The following BICD2 variants were observed in gnomAD, a reference collection of about 807,000 sequenced individuals.
BICD2 encodes the protein BICD cargo adaptor 2, also known as protein bicaudal D homolog 2.
A neutral mutation model predicts 72.9 loss-of-function variants in BICD2; 25 were observed. That is an observed-to-expected ratio of 0.34 (90% confidence interval 0.25 to 0.48). BICD2 has a LOEUF of 0.48. Among genes scored for constraint, BICD2 ranks in the 20% least tolerant of loss-of-function variants. The pLI is 0.99. For missense variants in BICD2, 894 were observed against 1,175.2 expected (o/e 0.76, Z 3.50); for synonymous variants, 501 against 516.1 (o/e 0.97, Z 0.40).
intron 1 of BICD2, among the ~76,000 whole-genome samples, chr9:92,742,907 T>C (rs923339073): frequency 2.6e-5 from 4 of 152,234 alleles, no homozygotes; most frequent in African/African-American, 9.6e-5. Flanking sequence ...CCTTTCATGG[T>C]CAAATAATAT....
chr9:92,723,315 C>T (rs1481851909), intron 2 of BICD2, among the ~76,000 whole-genome samples: 1 of 152,172 alleles, frequency 6.6e-6, no homozygotes, highest in East Asian at 1.9e-4. Context: ...AGCCCAAGTG[C>T]CCATTGACTG....
At chr9:92,734,913 A>C (rs1853750315) in intron 1 of BICD2, among the ~76,000 whole-genome samples, 1 of 152,166 alleles carries the variant, frequency 6.6e-6, no homozygotes, top group African/African-American at 2.4e-5. Flanking sequence ...CTGGGGAACA[A>C]AAGGGACACA....
In BICD2 at chr9:92,718,887, TAGG is replaced by T. The variant is rs1564059881; in HGVS notation, c.1755_1757del (p.Leu586del). 6.2e-7 allele frequency: 1 copy of T among 1,601,278 alleles called. No individual in the cohort carries two copies. ...CCTCAGGAGCCAGCAGCCCCTTGGG[TAGG>T]AGGATGGGTGAGCGCCGGCCACGCG... On this transcript the variant is annotated inframe_deletion, in exon 5 of 7. Coordinates refer to ENST00000356884, the MANE Select transcript of BICD2 (RefSeq NM_001003800.2).
Position 92,720,269 on chromosome 9 carries a change from C to T in BICD2, c.1062+31G>A, listed in dbSNP as rs775310481. 3.2e-6 allele frequency: 5 copies of T among 1,578,776 alleles called. No individual in the cohort carries two copies. Among genetic ancestry groups the T allele is most frequent in the South Asian group, 2.4e-5 (2 of 84,898 alleles). ...GAGCCCTGCAGACCTGGAGTGGGGA[C>T]AGCGTGCCGAAGGCCCCACTGCCTG... On this transcript the variant is annotated intron_variant, in intron 4 of 6. Coordinates refer to ENST00000356884, the MANE Select transcript of BICD2 (RefSeq NM_001003800.2). This position sits in a 1 kb window ranked among gnomAD's most constrained non-coding sequence, Gnocchi z 5.4.
In BICD2 at chr9:92,718,460, G is replaced by C. The variant is rs192630999; in HGVS notation, c.2106+79C>G. The C allele has an allele frequency of 9.9e-6, 15 of 1,511,756 alleles. No individual in the cohort carries two copies. In the Admixed American group the frequency reaches 1.6e-4, roughly 16 times the overall value. The allele number at this position is 1,511,756 out of a possible 1,614,324, so 93.6% of individuals were successfully genotyped here. A position where few individuals can be genotyped will look rare whatever the true frequency, so the allele number is the denominator to read the frequency against. On this transcript the variant is annotated intron_variant, in intron 5 of 6. Coordinates refer to ENST00000356884, the MANE Select transcript of BICD2 (RefSeq NM_001003800.2). Reference sequence around the variant, plus strand: ...GCAGGCCTGGGGGGGCCCCGTGGCAGGGGGAGGAAGGAGGCCAAGGGGGAA... The same window carrying C: ...GCAGGCCTGGGGGGGCCCCGTGGCACGGGGAGGAAGGAGGCCAAGGGGGAA...
At chr9:92,742,641 C>T (rs925283998) in intron 1 of BICD2, among the ~76,000 whole-genome samples, 3 of 152,146 alleles carry the variant, frequency 2.0e-5, no homozygotes, top group Non-Finnish European at 4.4e-5. Context: ...CCTCGACCTC[C>T]CAAAGTGCTG....
Position 92,722,763 on chromosome 9 carries a change from T to A in BICD2, c.499A>T (p.Ile167Phe). 5.6e-6 allele frequency: 9 copies of A among 1,614,204 alleles called. No individual in the cohort carries two copies. The highest frequency in any genetic ancestry group is 7.6e-6 in the Non-Finnish European group (9 of 1,180,034). Residue 167 changes from isoleucine (I) to phenylalanine (F), a missense_variant, in exon 3 of 7, where the codon ATC becomes TTC. By Grantham distance (21) the Ile-to-Phe change is conservative. This residue lies in a region of BICD2 where 192 missense variants were observed against 243.6 expected (regional missense o/e 0.79). Transcript: ENST00000356884. The part of the protein sequence containing the change: ...EIQRGRLRDD[I>F]KEYKFREARL... ...GCTTCCCGGAATTTGTACTCCTTGATGTCATCCCGCAGGCGGCCACGCTGG... is the reference window on the plus strand; with the variant it reads ...GCTTCCCGGAATTTGTACTCCTTGAAGTCATCCCGCAGGCGGCCACGCTGG...
At chr9:92,751,064 C>T (rs1420974617) in intron 1 of BICD2, among the ~76,000 whole-genome samples, 1 of 152,054 alleles carries the variant, frequency 6.6e-6, no homozygotes, top group Non-Finnish European at 1.5e-5. Context: ...GCACACACCA[C>T]CAAGCCTGGC....
chr9:92,727,608 G>A (rs1210269146), intron 2 of BICD2, among the ~76,000 whole-genome samples: 4 of 152,214 alleles, frequency 2.6e-5, no homozygotes, highest in Admixed American at 1.3e-4. Flanking sequence ...TGCAGCTCAC[G>A]TGCCAACTTC....
rs1854143942 is a variant in BICD2 at position 92,751,236 on chromosome 9, G to T, written c.240+13269C>A. 2.6e-5 allele frequency among the ~76,000 whole-genome samples: 4 copies of T among 151,446 alleles called. No homozygotes were observed. The South Asian group carries it at 6.3e-4, about 24-fold the overall frequency. On this transcript the variant is annotated intron_variant, in intron 1 of 6. Coordinates refer to ENST00000356884, the MANE Select transcript of BICD2 (RefSeq NM_001003800.2). ...TACAATCTCGGCTCACTGCAACCTC[G>T]GCTTCCTGGGTTCAAGTGATTCTCC...
intron 5 of BICD2, 73 bp from the exon 6 acceptor site, chr9:92,718,021 C>T (rs547116339): frequency 4.6e-6 from 7 of 1,526,642 alleles, no homozygotes; most frequent in East Asian, 2.3e-5. Flanking sequence ...GGAGCAGGAT[C>T]GGGAGCCCCG....
chr9:92,740,119 A>C (rs1853870561), intron 1 of BICD2, among the ~76,000 whole-genome samples: 1 of 152,166 alleles, frequency 6.6e-6, no homozygotes, highest in East Asian at 1.9e-4. Context: ...TCAACCACGC[A>C]GAGAGAGAGA....
In BICD2 at chr9:92,718,672, G is replaced by A. The variant is rs1203601815; in HGVS notation, c.1973C>T (p.Ser658Phe). The A allele has an allele frequency of 6.2e-7, 1 of 1,613,988 alleles. No individual in the cohort carries two copies. Among genetic ancestry groups the A allele is most frequent in the African/African-American group, 1.3e-5 (1 of 74,948 alleles). Residue 658 changes from serine (S) to phenylalanine (F), a missense_variant, in exon 5 of 7, where the codon TCT (serine) becomes TTT (phenylalanine). Transcript: ENST00000356884. ...GTCCACGGCGGGGCCCAGCTCCTGA[G>A]AGGCAATGCGCTGGCGTGACAGCTC... ...TTELSRQRIA[S>F]QELGPAVDKD...
Position 92,764,814 on chromosome 9 carries a change from G to A in BICD2, c.-70C>T, listed in dbSNP as rs1447117202. On this transcript the variant is annotated 5_prime_UTR_variant, in exon 1 of 7. Coordinates refer to ENST00000356884, the MANE Select transcript of BICD2 (RefSeq NM_001003800.2). This position sits in a 1 kb window ranked among gnomAD's most constrained non-coding sequence, Gnocchi z 5.5. ...CGGGCCCTCCTCAGCCGCCGCCGCT[G>A]CCGCCGCCGCCGCCGCCCTGCCCCG... The A allele has an allele frequency of 2.7e-6, 3 of 1,102,454 alleles. No homozygotes were observed. The highest frequency in any genetic ancestry group is 3.3e-6 in the Non-Finnish European group (3 of 900,138). The allele number at this position is 1,102,454 out of a possible 1,614,324, so 68.3% of individuals were successfully genotyped here.
chr9:92,718,385 G>T (rs923503675), intron 5 of BICD2, among the ~76,000 whole-genome samples, 154 bp downstream of exon 5: 3 of 152,240 alleles, frequency 2.0e-5, no homozygotes, highest in South Asian at 2.1e-4. Context: ...CCTGAGCAGG[G>T]GAGGGTAGGC....
chr9:92,721,309 C>G (rs1265738406), intron 3 of BICD2, among the ~76,000 whole-genome samples: 1 of 152,130 alleles, frequency 6.6e-6, no homozygotes, highest in Non-Finnish European at 1.5e-5. Flanking sequence ...AGAAACTCCC[C>G]GCAAGGCAGA....
At chr9:92,759,334 C>T (rs1400375061) in intron 1 of BICD2, among the ~76,000 whole-genome samples, 1 of 146,792 alleles carries the variant, frequency 6.8e-6, no homozygotes, top group East Asian at 2.0e-4. Flanking sequence ...TGTCCTGCGC[C>T]ATCTACACAG....
At chr9:92,743,930 A>G (rs1853951404) in intron 1 of BICD2, among the ~76,000 whole-genome samples, 1 of 152,226 alleles carries the variant, frequency 6.6e-6, no homozygotes, top group Non-Finnish European at 1.5e-5. Context: ...CACCAGAAAG[A>G]GCTACTGTGA....
In BICD2 at chr9:92,749,252, A is replaced by G. The variant is rs548213514; in HGVS notation, c.240+15253T>C. ...CGCCCACCTCTGCCAGCCTATATCT[A>G]TCAAGCTGTACGCTGCAGGACCAGC... On this transcript the variant is annotated intron_variant, in intron 1 of 6. Transcript: ENST00000356884. Among the ~76,000 whole-genome samples the G allele has an allele frequency of 1.5e-3, 231 of 152,308 alleles. 1 individual carries two copies. Among genetic ancestry groups the G allele is most frequent in the Non-Finnish European group, 2.5e-3 (171 of 68,014 alleles).
Sources: allele counts gnomAD v4.1 joint callset (sites outside exome capture counted in the v4.1 genomes callset), GRCh38; gene constraint gnomAD v4.1.1; regional missense constraint gnomAD v4.1.1; non-coding constraint Gnocchi (gnomAD v3.1); transcripts MANE v1.5; gene names NCBI Gene and HGNC (gene_info 2026-07-23, HGNC 2026-07-21).